Variants in PKMYT1 observed in about 807,000 individuals in gnomAD.
PKMYT1 encodes protein kinase, membrane associated tyrosine/threonine 1.
Under a neutral mutation model 49.7 loss-of-function variants are expected in PKMYT1, and 35 were observed. That is an observed-to-expected ratio of 0.70 (90% CI 0.54 to 0.93). PKMYT1 has a LOEUF of 0.93. Among genes scored for constraint, PKMYT1 ranks in the 40% least tolerant of loss-of-function variants. The probability of loss-of-function intolerance (pLI) is 0.00; values close to 1 mark genes in which losing one functional copy is unlikely to be tolerated. For synonymous variants in PKMYT1, 331 were observed against 287.6 expected, an observed-to-expected ratio of 1.15 and a Z score of -1.53; for missense variants, 677 against 673.1, an observed-to-expected ratio of 1.01 and a Z score of -0.06.
intron 7 of PKMYT1, 21 bp from the exon 8 acceptor site, chr16:2,973,236 CAAG>C (rs2072057928): frequency 5.4e-6 from 8 of 1,484,584 alleles, no homozygotes; most frequent in Non-Finnish European, 6.3e-6. Context: ...GCAGGCGAGA[CAAG>C]GAGGGTGTCC....
At chr16:2,976,368 C>T (rs186754793) in intron 3 of PKMYT1, among the ~76,000 whole-genome samples, 2 of 152,284 alleles carry the variant, frequency 1.3e-5, no homozygotes, top group African/African-American at 4.8e-5. Context: ...TGGGCCGACT[C>T]GCCAAGGACG....
rs535357586 is a variant in PKMYT1 at position 2,973,840 on chromosome 16, GC to G, written c.1310+159del. ...CAGTCCACATGCCCAGCTGCATTAA[GC>G]CTGGCCAGGCCACACACCCCCAGTC... is the stretch of plus-strand genomic sequence containing the variant. On this transcript the variant is annotated intron_variant, in intron 7 of 8. Transcript: ENST00000262300. 5 of 804,658 alleles carry G rather than the reference GC, an allele frequency of 6.2e-6. No homozygotes were observed. The South Asian group carries it at 8.9e-5, about 14-fold the overall frequency. 49.8% of individuals were successfully genotyped at this position (804,658 alleles called of 1,614,324 possible).
At position 2,977,054 on chromosome 16, in the gene PKMYT1, A is replaced by C. The variant is rs745760064; in HGVS notation, c.11-23T>G. ...GCCCTGGGGGCAGAGACAGAGGCTG[A>C]GTACAGGGCAGCATGTCCACTCTGA... On this transcript the variant is annotated intron_variant, in intron 2 of 8. Coordinates refer to ENST00000262300, the MANE Select transcript of PKMYT1 (RefSeq NM_004203.5). 1.9e-6 allele frequency: 3 copies of C among 1,590,016 alleles called. No individual in the cohort carries two copies. In the South Asian group the frequency reaches 3.4e-5, roughly 18 times the overall value.
intron 3 of PKMYT1, 90 bp from the exon 4 acceptor site, chr16:2,975,902 G>A: frequency 7.1e-7 from 1 of 1,405,450 alleles, no homozygotes; most frequent in Non-Finnish European, 9.7e-7. Context: ...ACCCCATTAA[G>A]GGTTCACACA....
At position 2,973,987 on chromosome 16, in the gene PKMYT1, C is replaced by CA; in HGVS notation, c.1310+12dup. On this transcript the variant is annotated intron_variant, in intron 7 of 8. Transcript: ENST00000262300. The stretch of plus-strand genomic sequence containing the variant: ...CTTCCCCCTAGCCCCCCATACCCTG[C>CA]ACTTGAACCCACCCTAGGCTGTCGT... 6.2e-7 allele frequency: 1 copy of CA among 1,612,086 alleles called. No individual in the cohort carries two copies. The highest frequency in any genetic ancestry group is 1.1e-5 in the South Asian group (1 of 90,888).
In PKMYT1 at chr16:2,978,234, C is replaced by T. The variant is rs190749276; in HGVS notation, c.11-1203G>A. On this transcript the variant is annotated intron_variant, in intron 2 of 8. Transcript: ENST00000262300. ...AAAATTGGCTTGATTTGAAACAGTG[C>T]GTAGGGAAGTTCAAGTTTAAAGGGG... is the stretch of plus-strand genomic sequence containing the variant. Among the ~76,000 whole-genome samples the T allele has an allele frequency of 1.4e-4, 22 of 152,240 alleles. No homozygotes were observed. The East Asian group carries it at 3.7e-3, about 25-fold the overall frequency.
intron 7 of PKMYT1, 161 bp from the exon 8 acceptor site, chr16:2,973,376 G>C: frequency 6.5e-7 from 1 of 1,540,296 alleles, no homozygotes; most frequent in Non-Finnish European, 8.7e-7. Flanking sequence ...AGCAGCACTT[G>C]GACAGCCTTC....
intron 4 of PKMYT1, 98 bp downstream of exon 4, chr16:2,975,221 C>A: frequency 7.2e-7 from 1 of 1,380,888 alleles, no homozygotes; most frequent in South Asian, 1.5e-5. Context: ...GCCGGGTGTC[C>A]TGGGCTAGGG....
At chr16:2,973,504 TCTG>T in intron 7 of PKMYT1, 1 of 1,401,706 alleles carries the variant, frequency 7.1e-7, no homozygotes, top group Non-Finnish European at 9.5e-7. Context: ...GAACTTCTTG[TCTG>T]CTATCAAGTG....
intron 2 of PKMYT1, 49 bp from the exon 3 acceptor site, chr16:2,977,080 T>A (rs776958495): frequency 1.8e-5 from 28 of 1,586,456 alleles, no homozygotes; most frequent in Non-Finnish European, 2.0e-5. Context: ...TCCACTCTGA[T>A]ACCACCTGGC....
chr16:2,975,535 A>T lies in PKMYT1; in HGVS notation c.656T>A (p.Leu219His). 1.2e-6 allele frequency: 2 copies of T among 1,612,308 alleles called. No individual in the cohort carries two copies. The highest frequency in any genetic ancestry group is 1.7e-6 in the Non-Finnish European group (2 of 1,179,868). ...CTGGCTGTGCAGATGGGCCAGGGCAAGCAGCGTGTCCCGCAGGTAGCCCCA... is the reference window on the plus strand; with the variant it reads ...CTGGCTGTGCAGATGGGCCAGGGCATGCAGCGTGTCCCGCAGGTAGCCCCA... The part of the protein sequence containing the change: ...QVWGYLRDTL[L>H]ALAHLHSQGL... Residue 219 changes from leucine to histidine, a missense_variant, in exon 4 of 9, where the codon CTT (leucine) becomes CAT (histidine). Coordinates refer to ENST00000262300, the MANE Select transcript of PKMYT1 (RefSeq NM_004203.5).
At position 2,979,696 on chromosome 16, in the gene PKMYT1, G is replaced by C. The variant is rs1383136903; in HGVS notation, c.-39C>G. On this transcript the variant is annotated 5_prime_UTR_variant, in exon 2 of 9. Transcript: ENST00000262300. Reference sequence around the variant, plus strand: ...CAACAGCCTCAGTGGTGGGACGGGGGAGGCAGGAGCAGGGGCTCCCACGTG... The same window carrying C: ...CAACAGCCTCAGTGGTGGGACGGGGCAGGCAGGAGCAGGGGCTCCCACGTG... 1.9e-6 allele frequency: 3 copies of C among 1,613,716 alleles called. No homozygotes were observed. Among genetic ancestry groups the C allele is most frequent in the Non-Finnish European group, 2.5e-6 (3 of 1,179,840 alleles).
Position 2,979,757 on chromosome 16 carries a change from G to A in PKMYT1, c.-100C>T, listed in dbSNP as rs528147853. The A allele has an allele frequency of 4.0e-6, 6 of 1,497,730 alleles. No individual in the cohort carries two copies. The highest frequency in any genetic ancestry group is 2.8e-6 in the Non-Finnish European group (3 of 1,083,942). The allele number at this position is 1,497,730 out of a possible 1,614,324, so 92.8% of individuals were successfully genotyped here. Reference sequence around the variant, plus strand: ...GTCCCTGAGCTAAGGCCAGGCGGGGGTGACCTCCGCAGCTTCCGGGGCCCT... The same window carrying A: ...GTCCCTGAGCTAAGGCCAGGCGGGGATGACCTCCGCAGCTTCCGGGGCCCT... On this transcript the variant is annotated 5_prime_UTR_variant, in exon 2 of 9. Transcript: ENST00000262300.
chr16:2,979,330 T>G, intron 2 of PKMYT1: 1 of 239,514 alleles, frequency 4.2e-6, no homozygotes, highest in Non-Finnish European at 8.1e-6. Flanking sequence ...CAAAACTCCA[T>G]CTCAAAAAAA....
At chr16:2,973,339 G>A (rs1195262463) in intron 7 of PKMYT1, 124 bp from the exon 8 acceptor site, 10 of 1,543,190 alleles carry the variant, frequency 6.5e-6, no homozygotes, top group African/African-American at 2.7e-5. Context: ...CACAGTCAGG[G>A]ACAATAAAAA....
Position 2,975,663 on chromosome 16 carries a change from G to A in PKMYT1, c.528C>T (p.Ala176=). 6.2e-7 allele frequency: 1 copy of A among 1,611,176 alleles called. No individual in the cohort carries two copies. The highest frequency in any genetic ancestry group is 8.5e-7 in the Non-Finnish European group (1 of 1,179,832). ...GGTACAGGATGCCGCCCTCCTCCCA[G>A]GCCTGCTCCAGCCGCACGCAGCATG... ...QHPCCVRLEQ[A]WEEGGILYLQ... is the part of the protein sequence containing the mutation. The change falls in exon 4 of 9, where the codon GCC becomes GCT. Residue 176 remains alanine (A), a synonymous_variant. Coordinates refer to ENST00000262300, the MANE Select transcript of PKMYT1 (RefSeq NM_004203.5).
In PKMYT1 at chr16:2,973,986, G is replaced by C. The variant is rs774071743; in HGVS notation, c.1310+14C>G. On this transcript the variant is annotated intron_variant, in intron 7 of 8. Transcript: ENST00000262300. Reference sequence around the variant, plus strand: ...CCTTCCCCCTAGCCCCCCATACCCTGCACTTGAACCCACCCTAGGCTGTCG... The same window carrying C: ...CCTTCCCCCTAGCCCCCCATACCCTCCACTTGAACCCACCCTAGGCTGTCG... 6.2e-7 allele frequency: 1 copy of C among 1,611,742 alleles called. No individual in the cohort carries two copies. Among genetic ancestry groups the C allele is most frequent in the Non-Finnish European group, 8.5e-7 (1 of 1,179,416 alleles).
intron 4 of PKMYT1, among the ~76,000 whole-genome samples, 173 bp downstream of exon 4, chr16:2,975,146 G>T (rs1002601005): frequency 5.9e-5 from 9 of 152,324 alleles, no homozygotes; most frequent in African/African-American, 2.2e-4. Flanking sequence ...AGGCTCACAG[G>T]CAGCCTGACC....
Position 2,979,765 on chromosome 16 carries a change from C to A in PKMYT1, c.-108G>T, listed in dbSNP as rs751498050. On this transcript the variant is annotated 5_prime_UTR_variant, in exon 2 of 9. Coordinates refer to ENST00000262300, the MANE Select transcript of PKMYT1 (RefSeq NM_004203.5). ...GCTAAGGCCAGGCGGGGGTGACCTC[C>A]GCAGCTTCCGGGGCCCTGGGCGATC... 7.1e-7 allele frequency: 1 copy of A among 1,411,084 alleles called. No homozygotes were observed. Among genetic ancestry groups the A allele is most frequent in the African/African-American group, 1.4e-5 (1 of 70,384 alleles). The allele number at this position is 1,411,084 out of a possible 1,614,324, so 87.4% of individuals were successfully genotyped here.
Sources: gnomAD v4.1 joint callset for allele counts (sites outside exome capture counted in the v4.1 genomes callset) on GRCh38, gnomAD v4.1.1 for gene constraint, MANE v1.5 for transcripts, NCBI Gene and HGNC (gene_info 2026-07-23, HGNC 2026-07-21) for gene names.